ITGA1: variants seen among roughly 807,000 people sequenced by gnomAD.
ITGA1 encodes the protein integrin alpha-1.
Under a neutral mutation model 145.9 loss-of-function variants are expected in ITGA1, and 85 were observed. That is an observed-to-expected ratio of 0.58 (90% confidence interval 0.49 to 0.70). The LOEUF is 0.70. Ranked by LOEUF, ITGA1 falls within the 30% of genes least tolerant of loss-of-function variation. The pLI, the probability that ITGA1 is intolerant of heterozygous loss-of-function variation, is 0.00. For synonymous variants in ITGA1, 520 were observed against 495.3 expected, an observed-to-expected ratio of 1.05 and a Z score of -0.66; for missense variants, 1,351 against 1,418.7, an observed-to-expected ratio of 0.95 and a Z score of 0.77.
chr5:52,925,395 G>A lies in ITGA1; in HGVS notation c.2521G>A (p.Val841Ile), dbSNP rs769037670. 25 of 1,613,912 alleles carry A rather than the reference G, an allele frequency of 1.5e-5. No homozygotes were observed. Among genetic ancestry groups the A allele is most frequent in the Admixed American group, 1.2e-4 (7 of 60,008 alleles). The change falls in exon 19 of 29, where the codon GTT becomes ATT. Residue 841 changes from valine (V) to isoleucine (I), a missense_variant. By Grantham distance (29) the Val-to-Ile change is conservative (BLOSUM62 3). Transcript: ENST00000282588. The stretch of plus-strand genomic sequence containing the variant: ...CCGATCCCAGAATGATAAGTTCAAC[G>A]TTAGCCTCACAGTCAAAAATACAAA... Reference protein sequence around the residue: ...IVRSQNDKFNVSLTVKNTKDS... With the variant: ...IVRSQNDKFNISLTVKNTKDS...
chr5:52,952,288 T>C lies in ITGA1; in HGVS notation c.3496-119T>C. 1.2e-5 allele frequency: 6 copies of C among 481,520 alleles called. 1 individual carries two copies. The South Asian group carries it at 2.1e-4, about 17-fold the overall frequency. The allele number at this position is 481,520 out of a possible 1,614,324, so 29.8% of individuals were successfully genotyped here. On this transcript the variant is annotated intron_variant, in intron 28 of 28. Transcript: ENST00000282588. ...TCAATGAGAAAATATTTCTTAATTA[T>C]ATTAGTTGTGTGCCCAGCATTGCCA...
intron 17 of ITGA1, among the ~76,000 whole-genome samples, chr5:52,921,114 G>C (rs1750724634): frequency 6.6e-6 from 1 of 152,060 alleles, no homozygotes; most frequent in African/African-American, 2.4e-5. Flanking sequence ...TGTATATGGG[G>C]AATGTTCCCA....
chr5:52,930,669 G>A (rs866813050), intron 21 of ITGA1, among the ~76,000 whole-genome samples: 1 of 152,108 alleles, frequency 6.6e-6, no homozygotes, highest in Non-Finnish European at 1.5e-5. Flanking sequence ...TTGAAGGGTA[G>A]ATAGCATTTC....
intron 6 of ITGA1, among the ~76,000 whole-genome samples, chr5:52,878,895 T>C (rs1162183711): frequency 1.3e-5 from 2 of 150,736 alleles, no homozygotes; most frequent in African/African-American, 4.9e-5. Context: ...AAAAAAAGGT[T>C]AAATGAGTTA....
At chr5:52,886,927 C>T (rs928357348) in intron 7 of ITGA1, among the ~76,000 whole-genome samples, 1 of 152,082 alleles carries the variant, frequency 6.6e-6, no homozygotes, top group African/African-American at 2.4e-5. Flanking sequence ...TACAGGCGCC[C>T]GCCACCGCAC....
chr5:52,892,475 T>G lies in ITGA1; in HGVS notation c.925-1200T>G, dbSNP rs989890606. ...AAAAGTTAATCATTCACTTATTGTA[T>G]GACCCAGCACTTTCATTTCTAGTTA... is the stretch of plus-strand genomic sequence containing the variant. On this transcript the variant is annotated intron_variant, in intron 8 of 28. Coordinates refer to ENST00000282588, the MANE Select transcript of ITGA1 (RefSeq NM_181501.2). 2.6e-5 allele frequency among the ~76,000 whole-genome samples: 4 copies of G among 152,322 alleles called. 1 individual carries two copies. Among genetic ancestry groups the G allele is most frequent in the African/African-American group, 9.6e-5 (4 of 41,586 alleles).
intron 14 of ITGA1, among the ~76,000 whole-genome samples, chr5:52,911,873 T>C (rs1487743190): frequency 7.5e-6 from 1 of 133,710 alleles, no homozygotes; most frequent in African/African-American, 2.7e-5. Flanking sequence ...ATATAGTATA[T>C]AGATACACTA....
chr5:52,836,458 A>C (rs1004368918), intron 1 of ITGA1, among the ~76,000 whole-genome samples: 3 of 152,154 alleles, frequency 2.0e-5, no homozygotes, highest in Admixed American at 1.3e-4. Context: ...TGCCAATTTG[A>C]TTTCCAAAAT....
At position 52,939,787 on chromosome 5, in the gene ITGA1, A is replaced by G. The variant is rs889463110; in HGVS notation, c.3181-53A>G. ...AACCATCTGAAGAATTTAAATATAG[A>G]TATTTGATAAAACGGCAAGAATACT... is the stretch of plus-strand genomic sequence containing the variant. On this transcript the variant is annotated intron_variant, in intron 25 of 28. Coordinates refer to ENST00000282588, the MANE Select transcript of ITGA1 (RefSeq NM_181501.2). 4.2e-6 allele frequency: 6 copies of G among 1,419,606 alleles called. No homozygotes were observed. The African/African-American group carries it at 8.5e-5, about 20-fold the overall frequency. 87.9% of individuals were successfully genotyped at this position (1,419,606 alleles called of 1,614,324 possible).
chr5:52,881,746 C>A, intron 6 of ITGA1, 127 bp from the exon 7 acceptor site: 1 of 686,734 alleles, frequency 1.5e-6, no homozygotes, highest in South Asian at 3.4e-5. Context: ...AAAATAGAAG[C>A]ATTTGTGTAC....
chr5:52,868,727 GAGA>G (rs1270113306), intron 6 of ITGA1, among the ~76,000 whole-genome samples: 7 of 152,190 alleles, frequency 4.6e-5, no homozygotes, highest in Non-Finnish European at 1.0e-4. Flanking sequence ...TCAATCCACA[GAGA>G]AGAATATTTC....
intron 1 of ITGA1, chr5:52,800,339 G>A: frequency 1.3e-6 from 2 of 1,599,034 alleles, no homozygotes; most frequent in Non-Finnish European, 1.7e-6. Flanking sequence ...CTCCCGGGGC[G>A]GAGGTGAGGA....
intron 1 of ITGA1, among the ~76,000 whole-genome samples, chr5:52,829,217 A>G (rs185070074): frequency 6.6e-6 from 1 of 152,278 alleles, no homozygotes; most frequent in Admixed American, 6.5e-5. Context: ...GATGGCTTTA[A>G]AAAACAAAAT....
At chr5:52,795,272 A>G (rs1229611698) in intron 1 of ITGA1, among the ~76,000 whole-genome samples, 1 of 151,950 alleles carries the variant, frequency 6.6e-6, no homozygotes, top group Non-Finnish European at 1.5e-5. Flanking sequence ...GTAGACATGG[A>G]AAGACACAAT....
chr5:52,864,767 T>A lies in ITGA1; in HGVS notation c.300T>A (p.Asn100Lys), dbSNP rs554712200. The change falls in exon 4 of 29, where the codon AAT (asparagine) becomes AAA (lysine). Residue 100 changes from asparagine (N) to lysine (K), a missense_variant. Transcript: ENST00000282588. ...AAAATTTTGTTCTATTTTTAGTTAA[T>A]ACATCAATTCCCAATGTCACAGAAG... ...LPCVKLDLPVNTSIPNVTEVK... is the reference protein window; with the variant it reads ...LPCVKLDLPVKTSIPNVTEVK... The A allele has an allele frequency of 4.4e-6, 7 of 1,601,150 alleles. No homozygotes were observed. Among genetic ancestry groups the A allele is most frequent in the Non-Finnish European group, 6.0e-6 (7 of 1,172,678 alleles).
At chr5:52,938,087 A>C (rs1211940857) in intron 24 of ITGA1, among the ~76,000 whole-genome samples, 3 of 152,136 alleles carry the variant, frequency 2.0e-5, no homozygotes, top group African/African-American at 7.2e-5. Flanking sequence ...AGTTCTAGGG[A>C]GATTTAGGCA....
intron 1 of ITGA1, chr5:52,800,098 T>C (rs1748429032): frequency 2.9e-6 from 1 of 343,694 alleles, no homozygotes. Flanking sequence ...GCGCCTTCAT[T>C]TCGTCAGCCC....
intron 2 of ITGA1, among the ~76,000 whole-genome samples, chr5:52,860,165 C>T (rs1375718962): frequency 1.3e-5 from 2 of 152,146 alleles, no homozygotes; most frequent in Non-Finnish European, 1.5e-5. Flanking sequence ...TATTGATATA[C>T]TTGATAAGTA....
At chr5:52,838,567 T>C (rs1425514617) in intron 1 of ITGA1, among the ~76,000 whole-genome samples, 2 of 152,200 alleles carry the variant, frequency 1.3e-5, no homozygotes, top group Admixed American at 6.5e-5. Context: ...TCCGTATATT[T>C]TGCCTCCTGT....
Sources: gnomAD v4.1 joint callset for allele counts (sites outside exome capture counted in the v4.1 genomes callset) on GRCh38, gnomAD v4.1.1 for gene constraint, MANE v1.5 for transcripts, NCBI Gene and HGNC (gene_info 2026-07-23, HGNC 2026-07-21) for gene names.